Variants in TRAK1 observed in about 807,000 individuals in gnomAD.
TRAK1 encodes trafficking kinesin protein 1, also known as trafficking kinesin-binding protein 1.
In TRAK1, 33 loss-of-function variants were observed where a neutral mutation model predicts 92.1. The ratio of observed to expected loss-of-function variants is 0.36; its 90% CI spans 0.27 to 0.48. The LOEUF (loss-of-function observed/expected upper bound fraction) is 0.48. Among genes scored for constraint, TRAK1 ranks in the 20% least tolerant of loss-of-function variants. The pLI is 0.99. For missense variants in TRAK1, 1,123 were observed against 1,257.9 expected (o/e 0.89, Z 1.62); for synonymous variants, 521 against 517.3 (o/e 1.01, Z -0.10).
At chr3:42,143,594 G>A (rs751763681) in intron 2 of TRAK1, among the ~76,000 whole-genome samples, 13 of 152,184 alleles carry the variant, frequency 8.5e-5, no homozygotes, top group African/African-American at 2.7e-4. Context: ...TGGGGCAGCC[G>A]AAGATGCGGT....
At chr3:42,163,051 A>G (rs1701444615) in intron 2 of TRAK1, among the ~76,000 whole-genome samples, 1 of 152,198 alleles carries the variant, frequency 6.6e-6, no homozygotes, top group South Asian at 2.1e-4. Context: ...GGATTCATGC[A>G]TTGAACCTTT....
intron 1 of TRAK1, among the ~76,000 whole-genome samples, chr3:42,064,383 C>A (rs1357667677): frequency 1.4e-5 from 2 of 144,392 alleles, no homozygotes; most frequent in Non-Finnish European, 3.1e-5. Flanking sequence ...AAAAAAAAAC[C>A]TTTAAAAAGA....
At chr3:42,102,584 G>A (rs1465048935) in intron 1 of TRAK1, among the ~76,000 whole-genome samples, 2 of 152,192 alleles carry the variant, frequency 1.3e-5, no homozygotes, top group Non-Finnish European at 2.9e-5. Flanking sequence ...CTGAAAGCAG[G>A]TTGCTGGTTC....
intron 2 of TRAK1, chr3:42,160,237 C>T (rs1328469705): frequency 6.6e-7 from 1 of 1,507,054 alleles, no homozygotes; most frequent in East Asian, 2.3e-5. Flanking sequence ...TGTCTGCGGC[C>T]CAGGCCAGGG....
At chr3:42,072,359 T>C (rs1703969173) in intron 1 of TRAK1, among the ~76,000 whole-genome samples, 1 of 152,040 alleles carries the variant, frequency 6.6e-6, no homozygotes. Context: ...TGAACTTGCT[T>C]TGTGCCGGAA....
At chr3:42,063,120 G>A (rs572042261) in intron 1 of TRAK1, among the ~76,000 whole-genome samples, 37 of 152,050 alleles carry the variant, frequency 2.4e-4, no homozygotes, top group Admixed American at 3.9e-4. Context: ...CCATCCCACC[G>A]CCTGCTGTTA....
At chr3:42,046,113 ACT>A (rs1030484318) in intron 1 of TRAK1, among the ~76,000 whole-genome samples, 1 of 151,162 alleles carries the variant, frequency 6.6e-6, no homozygotes, top group Non-Finnish European at 1.5e-5. Flanking sequence ...TCACCCTACC[ACT>A]CTCTTTCCTA....
intron 1 of TRAK1, among the ~76,000 whole-genome samples, chr3:42,111,422 G>A (rs142590919): frequency 0.073 from 10,999 of 150,012 alleles, 450 homozygotes; most frequent in Middle Eastern, 0.15. Context: ...TTGAGACGGA[G>A]TCTCACTCTG....
intron 2 of TRAK1, among the ~76,000 whole-genome samples, chr3:42,165,190 C>G (rs1363123513): frequency 6.6e-6 from 1 of 152,084 alleles, no homozygotes; most frequent in African/African-American, 2.4e-5. Context: ...TTAGGTTCCC[C>G]GAGAACACGG....
chr3:42,159,367 T>C (rs1197737357), intron 2 of TRAK1, among the ~76,000 whole-genome samples: 1 of 152,152 alleles, frequency 6.6e-6, no homozygotes, highest in Non-Finnish European at 1.5e-5. Context: ...GATTACAGAA[T>C]GAGCTGTGAT....
At chr3:42,094,510 G>T (rs896468194) in intron 1 of TRAK1, among the ~76,000 whole-genome samples, 2 of 151,860 alleles carry the variant, frequency 1.3e-5, no homozygotes, top group African/African-American at 4.8e-5. Flanking sequence ...CCAAGTAGCT[G>T]CGACTATGGG....
chr3:42,082,873 C>T (rs1466811), upstream of TRAK1, among the ~76,000 whole-genome samples: 78,364 of 152,000 alleles, frequency 0.52, 21,529 homozygotes, highest in South Asian at 0.68. Flanking sequence ...TCATCATCTA[C>T]TGTTTTTCTG....
At chr3:42,203,090 A>G in intron 13 of TRAK1, 1 of 1,231,988 alleles carries the variant, frequency 8.1e-7, no homozygotes. Context: ...ACTGATTCAA[A>G]AATTAATTAG....
At chr3:42,078,954 A>C (rs1559741958) in intron 1 of TRAK1, among the ~76,000 whole-genome samples, 2 of 152,186 alleles carry the variant, frequency 1.3e-5, no homozygotes, top group Non-Finnish European at 1.5e-5. Flanking sequence ...GCTAGTGCCC[A>C]GCTGACGGCC....
intron 2 of TRAK1, among the ~76,000 whole-genome samples, chr3:42,129,916 A>C (rs1400487861): frequency 6.6e-6 from 1 of 152,186 alleles, no homozygotes; most frequent in Non-Finnish European, 1.5e-5. Flanking sequence ...TGAAATACAA[A>C]AAAAGCAAAA....
intron 3 of TRAK1, among the ~76,000 whole-genome samples, chr3:42,180,049 G>A (rs1490319699): frequency 6.6e-6 from 1 of 151,834 alleles, no homozygotes; most frequent in Non-Finnish European, 1.5e-5. Flanking sequence ...CTGTTTTCTT[G>A]TTTTTAGAAG....
At chr3:42,075,306 A>G (rs1704102073) in intron 1 of TRAK1, among the ~76,000 whole-genome samples, 1 of 139,726 alleles carries the variant, frequency 7.2e-6, no homozygotes, top group Non-Finnish European at 1.5e-5. Context: ...GCGCCATTGC[A>G]CTTCAGCTTG....
intron 2 of TRAK1, chr3:42,146,370 A>G (rs1273427709): frequency 1.2e-5 from 3 of 259,704 alleles, no homozygotes; most frequent in South Asian, 6.2e-5. Flanking sequence ...TGTATCATCC[A>G]TAGTTTCATA....
intron 1 of TRAK1, among the ~76,000 whole-genome samples, chr3:42,091,861 A>C (rs1257814114): frequency 6.6e-6 from 1 of 152,096 alleles, no homozygotes; most frequent in African/African-American, 2.4e-5. Context: ...AGTTGAGCCC[A>C]GACCCCCTGC....
Sources: allele counts gnomAD v4.1 joint callset (sites outside exome capture counted in the v4.1 genomes callset), GRCh38; gene constraint gnomAD v4.1.1; transcripts MANE v1.5; gene names NCBI Gene and HGNC (gene_info 2026-07-23, HGNC 2026-07-21).